The following AGTPBP1 variants were observed in gnomAD, a reference collection of about 807,000 sequenced individuals.
AGTPBP1 encodes the protein cytosolic carboxypeptidase 1.
AGTPBP1 carries 70 observed loss-of-function variants against 143.9 expected under a neutral mutation model. The ratio of observed to expected loss-of-function variants is 0.49; its 90% CI spans 0.40 to 0.59. The LOEUF (loss-of-function observed/expected upper bound fraction) is 0.59. Among genes scored for constraint, AGTPBP1 ranks in the 20% least tolerant of loss-of-function variants. The pLI is 0.00. For missense variants in AGTPBP1, 1,229 were observed against 1,464.5 expected (o/e 0.84, Z 2.62); for synonymous variants, 463 against 500.2 (o/e 0.93, Z 0.99).
chr9:85,609,659 T>C (rs903157488), intron 17 of AGTPBP1, among the ~76,000 whole-genome samples: 3 of 151,866 alleles, frequency 2.0e-5, no homozygotes, highest in African/African-American at 7.3e-5. Context: ...CATTCAGGGG[T>C]AGAGAAAAGC....
intron 1 of AGTPBP1, among the ~76,000 whole-genome samples, chr9:85,722,125 G>A (rs1838167764): frequency 1.3e-5 from 2 of 152,222 alleles, no homozygotes; most frequent in African/African-American, 4.8e-5. Context: ...TTTCAGCCTT[G>A]GTGAATCTGA....
intron 8 of AGTPBP1, among the ~76,000 whole-genome samples, chr9:85,662,317 T>C (rs1833895267): frequency 6.6e-6 from 1 of 152,040 alleles, no homozygotes; most frequent in East Asian, 1.9e-4. Flanking sequence ...TAATAACGAA[T>C]TTGTAAAATA....
At chr9:85,740,119 AAAGAG>A (rs1454014945) in intron 1 of AGTPBP1, among the ~76,000 whole-genome samples, 1 of 152,236 alleles carries the variant, frequency 6.6e-6, no homozygotes, top group African/African-American at 2.4e-5. Flanking sequence ...AGACTTTTCT[AAAGAG>A]AAGAATGCCT....
chr9:85,691,957 G>A (rs1276615637), intron 3 of AGTPBP1, among the ~76,000 whole-genome samples: 2 of 151,908 alleles, frequency 1.3e-5, no homozygotes, highest in African/African-American at 2.4e-5. Context: ...TGTGATATTC[G>A]TTACCTCTAC....
chr9:85,628,865 G>A (rs940165520), intron 14 of AGTPBP1, among the ~76,000 whole-genome samples: 4 of 152,104 alleles, frequency 2.6e-5, no homozygotes, highest in African/African-American at 9.7e-5. Context: ...ACAGGCATGT[G>A]CCACCACACC....
At chr9:85,740,003 CAA>C (rs539664181) in intron 1 of AGTPBP1, among the ~76,000 whole-genome samples, 18 of 113,550 alleles carry the variant, frequency 1.6e-4, no homozygotes, top group Admixed American at 1.8e-4. Context: ...GACTCCGTCT[CAA>C]AAAAAAAAAA....
chr9:85,547,392 G>T, intron 25 of AGTPBP1, 106 bp from the exon 26 acceptor site: 1 of 971,572 alleles, frequency 1.0e-6, no homozygotes, highest in Non-Finnish European at 1.4e-6. Context: ...TATAATATAA[G>T]CTGCATTAAC....
chr9:85,778,474 T>C, the AGTPBP1 span, among the ~76,000 whole-genome samples: 5 of 152,184 alleles, frequency 3.3e-5, no homozygotes, highest in East Asian at 1.9e-4. Context: ...TCAAGCACCA[T>C]TGGATCTGCT....
In AGTPBP1 at chr9:85,741,929, C is replaced by A; in HGVS notation, c.-188G>T. The stretch of plus-strand genomic sequence containing the variant: ...GAGGCGGCGGCGGCGGCAGCTGCGG[C>A]GGCGGCGCTGGAGGCGGCGGAACCT... On this transcript the variant is annotated 5_prime_UTR_variant, in exon 1 of 26. Coordinates refer to ENST00000357081, the MANE Select transcript of AGTPBP1 (RefSeq NM_001330701.2). The A allele has an allele frequency of 7.6e-7, 1 of 1,314,734 alleles. No homozygotes were observed. The highest frequency in any genetic ancestry group is 9.6e-7 in the Non-Finnish European group (1 of 1,036,528). 81.4% of individuals were successfully genotyped at this position (1,314,734 alleles called of 1,614,324 possible). A position where few individuals can be genotyped will look rare whatever the true frequency, so the allele number is the denominator to read the frequency against.
chr9:85,638,510 A>G (rs1832234685), intron 13 of AGTPBP1, among the ~76,000 whole-genome samples: 1 of 152,066 alleles, frequency 6.6e-6, no homozygotes, highest in Non-Finnish European at 1.5e-5. Context: ...CCAAATATAG[A>G]AGTAATTATA....
At chr9:85,638,097 C>T (rs1047574047) in intron 13 of AGTPBP1, among the ~76,000 whole-genome samples, 5 of 149,588 alleles carry the variant, frequency 3.3e-5, no homozygotes, top group Non-Finnish European at 7.4e-5. Flanking sequence ...CTTGACGTTA[C>T]TGCTTTGCTT....
chr9:85,710,880 A>T (rs1837322073), intron 2 of AGTPBP1, among the ~76,000 whole-genome samples: 1 of 152,218 alleles, frequency 6.6e-6, no homozygotes, highest in Admixed American at 6.5e-5. Context: ...TGCAAAAAGT[A>T]AGGCATTTTT....
the AGTPBP1 span, among the ~76,000 whole-genome samples, chr9:85,756,967 T>C: frequency 1.3e-5 from 2 of 148,994 alleles, no homozygotes; most frequent in African/African-American, 4.9e-5. Context: ...GCGGGGGAAA[T>C]AGAATGCCTA....
At chr9:85,566,536 A>G (rs1343710581) in intron 25 of AGTPBP1, among the ~76,000 whole-genome samples, 8 of 151,416 alleles carry the variant, frequency 5.3e-5, no homozygotes, top group Non-Finnish European at 1.2e-4. Flanking sequence ...TCTCAAAAAA[A>G]AAAAAAAAAA....
At chr9:85,721,457 C>A (rs1180750059) in intron 1 of AGTPBP1, among the ~76,000 whole-genome samples, 2 of 146,742 alleles carry the variant, frequency 1.4e-5, no homozygotes, top group Non-Finnish European at 3.0e-5. Flanking sequence ...GGTTTAAAGT[C>A]TGTTTTATCA....
Position 85,730,946 on chromosome 9 carries a change from A to T in AGTPBP1, c.-34+10829T>A, listed in dbSNP as rs1838839818. ...CTGATACATTCCAACAATTCTTTAAACTATTTAGCAGCCTATGGTAAACCT... is the reference window on the plus strand; with the variant it reads ...CTGATACATTCCAACAATTCTTTAATCTATTTAGCAGCCTATGGTAAACCT... On this transcript the variant is annotated intron_variant, in intron 1 of 25. Transcript: ENST00000357081. Among the ~76,000 whole-genome samples the T allele has an allele frequency of 3.9e-5, 6 of 152,190 alleles. No individual in the cohort carries two copies. In the South Asian group the frequency reaches 1.2e-3, roughly 31 times the overall value.
the AGTPBP1 span, among the ~76,000 whole-genome samples, chr9:85,749,883 C>A: frequency 1.4e-5 from 1 of 72,356 alleles, no homozygotes; most frequent in East Asian, 5.7e-4. Flanking sequence ...ACTCCTGTAT[C>A]CCTTTTTTTT....
At chr9:85,803,937 T>C in the AGTPBP1 span, among the ~76,000 whole-genome samples, 5 of 152,168 alleles carry the variant, frequency 3.3e-5, no homozygotes, top group Admixed American at 3.3e-4. Flanking sequence ...CTACCCACAA[T>C]TAATCAATCA....
chr9:85,805,024 T>TA, the AGTPBP1 span, among the ~76,000 whole-genome samples: 1 of 152,082 alleles, frequency 6.6e-6, no homozygotes, highest in Non-Finnish European at 1.5e-5. Context: ...TCGGGAGGCC[T>TA]CCCTCCTTCC....
Sources: gnomAD v4.1 joint callset for allele counts (sites outside exome capture counted in the v4.1 genomes callset) on GRCh38, gnomAD v4.1.1 for gene constraint, MANE v1.5 for transcripts, NCBI Gene and HGNC (gene_info 2026-07-23, HGNC 2026-07-21) for gene names.